Variants in ARHGAP17 observed in about 807,000 individuals in gnomAD.
ARHGAP17 encodes rho GTPase-activating protein 17.
In ARHGAP17, 57 loss-of-function variants were observed where a neutral mutation model predicts 99.5. The ratio of observed to expected loss-of-function variants is 0.57; its 90% CI spans 0.46 to 0.71. The LOEUF (loss-of-function observed/expected upper bound fraction) is 0.71. Ranked by LOEUF, ARHGAP17 falls within the 30% of genes least tolerant of loss-of-function variation. The pLI is 0.00. For synonymous variants in ARHGAP17, 417 were observed against 429.6 expected (o/e 0.97, Z 0.36); for missense variants, 1,000 against 1,122.4 (o/e 0.89, Z 1.56).
rs372881689 is a variant in ARHGAP17, at chr16:24,931,003, G to A, written c.2296C>T (p.Leu766=). ...QTPTPPSTPP[L]GKQNPSLPAP... The stretch of plus-strand genomic sequence containing the variant: ...GGCAGACTGGGGTTCTGTTTTCCTA[G>A]GGGCGGAGTACTGGGGGGCGTTGGA... The change falls in exon 19 of 20, where the codon CTA becomes TTA. Residue 766 remains leucine, a synonymous_variant. Transcript: ENST00000289968. The A allele has an allele frequency of 1.2e-6, 2 of 1,613,784 alleles. No homozygotes were observed. The highest frequency in any genetic ancestry group is 1.7e-4 in the Middle Eastern group (1 of 6,060).
At chr16:24,932,788 T>C (rs2152449093) in intron 18 of ARHGAP17, among the ~76,000 whole-genome samples, 1 of 152,010 alleles carries the variant, frequency 6.6e-6, no homozygotes, top group South Asian at 2.1e-4. Flanking sequence ...TCTGGGGCTC[T>C]GGTTTTGGGC....
chr16:24,964,373 G>C, intron 6 of ARHGAP17, 65 bp from the exon 7 acceptor site: 1 of 1,113,526 alleles, frequency 9.0e-7, no homozygotes, highest in African/African-American at 1.6e-5. Flanking sequence ...CTGGAGGCAG[G>C]ACCTGGTGGA....
chr16:25,002,269 C>G (rs998552847), intron 1 of ARHGAP17, among the ~76,000 whole-genome samples: 1 of 152,056 alleles, frequency 6.6e-6, no homozygotes, highest in Non-Finnish European at 1.5e-5. Context: ...TACATCAACC[C>G]TAACCTGAAG....
chr16:24,937,948 C>G (rs1468307342), intron 17 of ARHGAP17, among the ~76,000 whole-genome samples: 2 of 152,208 alleles, frequency 1.3e-5, no homozygotes, highest in East Asian at 3.8e-4. Context: ...TTTTGGCACA[C>G]ATGTATGCAA....
intron 1 of ARHGAP17, among the ~76,000 whole-genome samples, chr16:25,005,088 G>A (rs1597490756): frequency 6.6e-6 from 1 of 152,118 alleles, no homozygotes; most frequent in Non-Finnish European, 1.5e-5. Flanking sequence ...GCTAATTTTC[G>A]TATTTTTAGT....
At chr16:24,983,977 C>A (rs1334066493) in intron 1 of ARHGAP17, among the ~76,000 whole-genome samples, 3 of 152,176 alleles carry the variant, frequency 2.0e-5, no homozygotes, top group Non-Finnish European at 4.4e-5. Flanking sequence ...TCCAACCCTG[C>A]AGTGTGGCTA....
chr16:24,927,635 A>G, intron 19 of ARHGAP17: 1 of 1,032,288 alleles, frequency 9.7e-7, no homozygotes, highest in Non-Finnish European at 1.2e-6. Context: ...CACAAATATG[A>G]TCATCAAGTA....
At chr16:24,979,730 A>C (rs2141363833) in intron 1 of ARHGAP17, among the ~76,000 whole-genome samples, 1 of 140,070 alleles carries the variant, frequency 7.1e-6, no homozygotes, top group Non-Finnish European at 1.6e-5. Context: ...TTATTATTTG[A>C]GACAGAGTCT....
chr16:24,975,684 T>C (rs139939621), intron 3 of ARHGAP17, among the ~76,000 whole-genome samples: 1 of 152,294 alleles, frequency 6.6e-6, no homozygotes, highest in East Asian at 1.9e-4. Flanking sequence ...TGCATACTAT[T>C]AATAGTTCTC....
chr16:24,939,477 G>A lies in ARHGAP17; in HGVS notation c.1611C>T (p.Pro537=), dbSNP rs746145116. The A allele has an allele frequency of 6.2e-6, 10 of 1,611,072 alleles. No homozygotes were observed. Among genetic ancestry groups the A allele is most frequent in the East Asian group, 2.2e-5 (1 of 44,824 alleles). ...TCTGGGGAGGGGGCTCTGGGCCAGCGGGCACCACGGTGCTGCCATCTGTGG... is the reference window on the plus strand; with the variant it reads ...TCTGGGGAGGGGGCTCTGGGCCAGCAGGCACCACGGTGCTGCCATCTGTGG... ...LPPTDGSTVV[P]AGPEPPPQSS... The change falls in exon 17 of 20, where the codon CCC becomes CCT. Residue 537 remains proline (P), a synonymous_variant. Transcript: ENST00000289968.
intron 1 of ARHGAP17, among the ~76,000 whole-genome samples, chr16:24,984,601 A>G (rs966950257): frequency 5.3e-5 from 8 of 151,974 alleles, no homozygotes; most frequent in Non-Finnish European, 1.2e-4. Context: ...GTTTGCAGTG[A>G]GCTGAGATTG....
chr16:24,982,990 ATATATATTTTTTT>A (rs1158019489), intron 1 of ARHGAP17, among the ~76,000 whole-genome samples: 2 of 32,466 alleles, frequency 6.2e-5, no homozygotes, highest in African/African-American at 1.3e-4. Flanking sequence ...ATATATATAT[ATATATATTTTTTT>A]TTTTTTTTTT....
intron 4 of ARHGAP17, among the ~76,000 whole-genome samples, chr16:24,969,017 G>A (rs1181361140): frequency 1.3e-5 from 2 of 152,216 alleles, no homozygotes; most frequent in African/African-American, 4.8e-5. Flanking sequence ...TGTGTGAACA[G>A]TGAAATAACA....
At chr16:24,961,157 C>T (rs1402661244) in intron 7 of ARHGAP17, among the ~76,000 whole-genome samples, 1 of 152,018 alleles carries the variant, frequency 6.6e-6, no homozygotes, top group Non-Finnish European at 1.5e-5. Flanking sequence ...AGCCACCACA[C>T]TCAGCAATGT....
rs759941236 is a variant in ARHGAP17 at position 24,920,155 on chromosome 16, T to C, written c.2621A>G (p.Asn874Ser). ...TCACAGGGCAGTGCTCTCGGTATCA[T>C]TGTCTATATCCAGCAGGATGCGGCC... ...VPGRILLDID[N>S]DTESTAL is the part of the protein sequence containing the mutation. Residue 874 changes from asparagine (N) to serine (S), a missense_variant, in exon 20 of 20, where the codon AAT becomes AGT. Asn to Ser is a conservative substitution (Grantham distance 46). Coordinates refer to ENST00000289968, the MANE Select transcript of ARHGAP17 (RefSeq NM_001006634.3). 7 of 1,613,958 alleles carry C rather than the reference T, an allele frequency of 4.3e-6. No homozygotes were observed. Among genetic ancestry groups the C allele is most frequent in the African/African-American group, 1.3e-5 (1 of 74,908 alleles).
At position 24,970,673 on chromosome 16, in the gene ARHGAP17, C is replaced by T. The variant is rs890534759; in HGVS notation, c.199-93G>A. 9.1e-6 allele frequency: 11 copies of T among 1,208,330 alleles called. No individual in the cohort carries two copies. In the African/African-American group the frequency reaches 1.6e-4, roughly 18 times the overall value. The allele number at this position is 1,208,330 out of a possible 1,614,324, so 74.9% of individuals were successfully genotyped here. ...ATCATCATTCATTAATTTCTCCCTC[C>T]AGGCAAATTACACAGGTAGGAGACA... On this transcript the variant is annotated intron_variant, in intron 3 of 19. Coordinates refer to ENST00000289968, the MANE Select transcript of ARHGAP17 (RefSeq NM_001006634.3).
chr16:24,927,098 C>T (rs1470496883), intron 19 of ARHGAP17, among the ~76,000 whole-genome samples: 1 of 152,046 alleles, frequency 6.6e-6, no homozygotes, highest in Non-Finnish European at 1.5e-5. Flanking sequence ...TGGTGAAGCC[C>T]CGTCTCTACT....
rs116341936 is a variant in ARHGAP17 at position 24,974,474 on chromosome 16, C to G, written c.198+2741G>C. Among the ~76,000 whole-genome samples, 459 of 152,192 alleles carry G rather than the reference C, an allele frequency of 3.0e-3. 4 individuals are homozygous for G. The highest frequency in any genetic ancestry group is 0.011 in the African/African-American group (440 of 41,524). On this transcript the variant is annotated intron_variant, in intron 3 of 19. Coordinates refer to ENST00000289968, the MANE Select transcript of ARHGAP17 (RefSeq NM_001006634.3). The stretch of plus-strand genomic sequence containing the variant: ...AAAAATGCTTAGCATCTCGGTTCAC[C>G]CTCCAAATGCCAGTGGTGCCTGCCA...
Position 24,954,727 on chromosome 16 carries a change from T to C in ARHGAP17, c.728A>G (p.Lys243Arg). Reference sequence around the variant, plus strand: ...CCCAAAGGCTGGTTTTTCCGCCCACTTATCTAGAGCAGCAAATTGTTCAGT... The same window carrying C: ...CCCAAAGGCTGGTTTTTCCGCCCACCTATCTAGAGCAGCAAATTGTTCAGT... ...TLPEMRAHQD[K>R]WAEKPAFGTP... Residue 243 changes from lysine (K) to arginine (R), a missense_variant, in exon 10 of 20, where the codon AAG becomes AGG. Around this residue, in one of 2 missense-constraint regions of ARHGAP17, gnomAD observed 472 missense variants for 611.1 expected, o/e 0.77. Coordinates refer to ENST00000289968, the MANE Select transcript of ARHGAP17 (RefSeq NM_001006634.3). The C allele has an allele frequency of 6.2e-7, 1 of 1,613,848 alleles. No individual in the cohort carries two copies. The highest frequency in any genetic ancestry group is 8.5e-7 in the Non-Finnish European group (1 of 1,179,862).
Sources: gnomAD v4.1 joint callset for allele counts (sites outside exome capture counted in the v4.1 genomes callset) on GRCh38, gnomAD v4.1.1 for gene constraint, gnomAD v4.1.1 regional missense constraint, MANE v1.5 for transcripts, NCBI Gene and HGNC (gene_info 2026-07-23, HGNC 2026-07-21) for gene names.